COL15A1: variants seen among roughly 807,000 people sequenced by gnomAD.
COL15A1 encodes the protein collagen alpha-1(XV) chain.
In COL15A1, 111 loss-of-function variants were observed where a neutral mutation model predicts 165.9. That is an observed-to-expected ratio of 0.67 (90% CI 0.57 to 0.78). The LOEUF (loss-of-function observed/expected upper bound fraction) is 0.78. Among genes scored for constraint, COL15A1 ranks in the 30% least tolerant of loss-of-function variants. The pLI, the probability that COL15A1 is intolerant of heterozygous loss-of-function variation, is 0.00. For synonymous variants in COL15A1, 659 were observed against 674.8 expected, an observed-to-expected ratio of 0.98 and a Z score of 0.36; for missense variants, 1,745 against 1,789.7, an observed-to-expected ratio of 0.98 and a Z score of 0.45.
chr9:99,015,838 G>A (rs1413080256), intron 10 of COL15A1, 138 bp from the exon 11 acceptor site: 3 of 1,028,872 alleles, frequency 2.9e-6, no homozygotes, highest in African/African-American at 1.6e-5. Context: ...TTTCAGAAGG[G>A]GTGTGCTGGG....
chr9:98,964,481 T>C (rs1837922839), intron 2 of COL15A1, among the ~76,000 whole-genome samples: 1 of 152,182 alleles, frequency 6.6e-6, no homozygotes, highest in African/African-American at 2.4e-5. Flanking sequence ...GTGTGTCTCT[T>C]TGCACAACTG....
intron 2 of COL15A1, among the ~76,000 whole-genome samples, chr9:98,974,918 C>T (rs975670719): frequency 6.6e-6 from 1 of 152,238 alleles, no homozygotes; most frequent in African/African-American, 2.4e-5. Flanking sequence ...GGAAAGGAGG[C>T]GTTATGGGTT....
chr9:98,947,519 T>C (rs760041885), intron 2 of COL15A1, among the ~76,000 whole-genome samples: 1 of 152,232 alleles, frequency 6.6e-6, no homozygotes, highest in African/African-American at 2.4e-5. Context: ...GAATGTAAGC[T>C]ATGCCTCAAT....
intron 2 of COL15A1, among the ~76,000 whole-genome samples, chr9:98,982,429 C>G (rs1838247579): frequency 6.6e-6 from 1 of 152,146 alleles, no homozygotes; most frequent in African/African-American, 2.4e-5. Flanking sequence ...GTTGGGAAGA[C>G]CCATTTTTCA....
rs573029592 is a variant in COL15A1 at position 99,070,472 on chromosome 9, T to C, written c.*586T>C. ...GCCATCATGCTTTAGGAATTTTATATTTTTACACAATCATATTTTAGTATG... is the reference window on the plus strand; with the variant it reads ...GCCATCATGCTTTAGGAATTTTATACTTTTACACAATCATATTTTAGTATG... On this transcript the variant is annotated 3_prime_UTR_variant, in exon 42 of 42. Coordinates refer to ENST00000375001, the MANE Select transcript of COL15A1 (RefSeq NM_001855.5). The C allele has an allele frequency of 2.7e-5, 7 of 263,774 alleles. No homozygotes were observed. Among genetic ancestry groups the C allele is most frequent in the African/African-American group, 1.4e-4 (6 of 43,304 alleles). 16.3% of individuals were successfully genotyped at this position (263,774 alleles called of 1,614,324 possible).
intron 2 of COL15A1, among the ~76,000 whole-genome samples, 153 bp from the exon 3 acceptor site, chr9:98,985,412 G>A (rs780347386): frequency 6.6e-6 from 1 of 152,308 alleles, no homozygotes; most frequent in Non-Finnish European, 1.5e-5. Context: ...TTTGTGGGTC[G>A]TTGTCAAAAC....
intron 2 of COL15A1, among the ~76,000 whole-genome samples, chr9:98,984,752 C>A (rs1163340547): frequency 6.6e-6 from 1 of 152,162 alleles, no homozygotes; most frequent in Non-Finnish European, 1.5e-5. Context: ...GGCACTTAAA[C>A]AATAGACCTC....
intron 2 of COL15A1, among the ~76,000 whole-genome samples, chr9:98,982,295 A>G (rs1000428800): frequency 1.3e-5 from 2 of 152,132 alleles, no homozygotes; most frequent in Admixed American, 1.3e-4. Flanking sequence ...TGTATAATGT[A>G]TTTTATTTAT....
chr9:98,950,980 T>C (rs1207380530), intron 2 of COL15A1, among the ~76,000 whole-genome samples: 4 of 152,124 alleles, frequency 2.6e-5, no homozygotes, highest in African/African-American at 7.2e-5. Flanking sequence ...TCTGGAGAAA[T>C]CCTGATTTAA....
At chr9:99,060,354 C>T (rs1825796871) in intron 36 of COL15A1, among the ~76,000 whole-genome samples, 1 of 150,964 alleles carries the variant, frequency 6.6e-6, no homozygotes, top group Admixed American at 6.6e-5. Context: ...CTCAACCTCC[C>T]TGAGCTCAGG....
intron 16 of COL15A1, among the ~76,000 whole-genome samples, chr9:99,028,728 T>C (rs993235542): frequency 6.6e-6 from 1 of 151,998 alleles, no homozygotes; most frequent in South Asian, 2.1e-4. Context: ...AGAGTACAGA[T>C]TGGGTACAGT....
intron 2 of COL15A1, among the ~76,000 whole-genome samples, chr9:98,961,525 A>G (rs1837864894): frequency 6.6e-6 from 1 of 152,210 alleles, no homozygotes; most frequent in Non-Finnish European, 1.5e-5. Context: ...ACAGAGAAAC[A>G]GAATGAGGAG....
chr9:99,024,268 G>GTTTTGTTTTTTTTTTTTTT (rs1839078426), intron 14 of COL15A1, among the ~76,000 whole-genome samples: 1 of 131,460 alleles, frequency 7.6e-6, no homozygotes, highest in Non-Finnish European at 1.6e-5. Context: ...ACCACAAGCA[G>GTTTTGTTTTTTTTTTTTTT]TTTTTTTTGT....
At position 98,985,769 on chromosome 9, in the gene COL15A1, C is replaced by T. The variant is rs771819188; in HGVS notation, c.305C>T (p.Thr102Ile). The T allele has an allele frequency of 3.7e-6, 6 of 1,613,996 alleles. No homozygotes were observed. Among genetic ancestry groups the T allele is most frequent in the Non-Finnish European group, 5.1e-6 (6 of 1,180,034 alleles). ...AISVVVKPSS[T>I]RGGVLFAITD... ...AGCGTCGTGGTGAAGCCCAGCAGCA[C>T]CCGTGGTGGCGTGCTCTTCGCCATC... The change falls in exon 3 of 42, where the codon ACC becomes ATC. Residue 102 changes from threonine to isoleucine, a missense_variant. Physicochemically the swap from Thr to Ile is moderately conservative, Grantham distance 89. Coordinates refer to ENST00000375001, the MANE Select transcript of COL15A1 (RefSeq NM_001855.5).
At position 98,943,961 on chromosome 9, in the gene COL15A1, C is replaced by G. The variant is rs1837530883; in HGVS notation, c.-101C>G. 2 of 1,516,636 alleles carry G rather than the reference C, an allele frequency of 1.3e-6. No individual in the cohort carries two copies. Among genetic ancestry groups the G allele is most frequent in the Non-Finnish European group, 9.0e-7 (1 of 1,110,908 alleles). The allele number at this position is 1,516,636 out of a possible 1,614,324, so 93.9% of individuals were successfully genotyped here. ...CCGCCTTTGTTCCCTGCAGGAAGGG[C>G]GAGCGCGGCGGCCAGCGCTCAGCGA... On this transcript the variant is annotated 5_prime_UTR_variant, in exon 1 of 42. Coordinates refer to ENST00000375001, the MANE Select transcript of COL15A1 (RefSeq NM_001855.5).
chr9:99,011,265 C>T (rs1838843130), intron 9 of COL15A1, among the ~76,000 whole-genome samples: 1 of 151,910 alleles, frequency 6.6e-6, no homozygotes, highest in Non-Finnish European at 1.5e-5. Context: ...TCTGGAAAGA[C>T]CATTTTAAAT....
At position 99,015,497 on chromosome 9, in the gene COL15A1, C is replaced by A. The variant is rs760047166; in HGVS notation, c.1434C>A (p.Ala478=). ...VSLSTFEDEE[A]SGVPTDGLAP... is the part of the protein sequence containing the mutation. The stretch of plus-strand genomic sequence containing the variant: ...TCAGTACTTTTGAGGATGAGGAAGC[C>A]AGTGGGGTCCCCACAGATGGCCTGG... The change falls in exon 10 of 42, where the codon GCC becomes GCA. Residue 478 remains alanine (A), a synonymous_variant. Coordinates refer to ENST00000375001, the MANE Select transcript of COL15A1 (RefSeq NM_001855.5). The A allele has an allele frequency of 6.8e-6, 11 of 1,613,318 alleles. No individual in the cohort carries two copies. The South Asian group carries it at 8.8e-5, about 13-fold the overall frequency.
intron 2 of COL15A1, among the ~76,000 whole-genome samples, chr9:98,973,482 T>C (rs971336850): frequency 2.0e-5 from 3 of 152,232 alleles, no homozygotes; most frequent in Admixed American, 1.3e-4. Flanking sequence ...AGTTCTTTTT[T>C]AAGAAATGCA....
intron 22 of COL15A1, among the ~76,000 whole-genome samples, chr9:99,039,833 C>T (rs900532974): frequency 6.6e-6 from 1 of 152,192 alleles, no homozygotes. Flanking sequence ...ACGCTCTGTG[C>T]AAGTCATTGT....
Sources: gnomAD v4.1 joint callset for allele counts (sites outside exome capture counted in the v4.1 genomes callset) on GRCh38, gnomAD v4.1.1 for gene constraint, MANE v1.5 for transcripts, NCBI Gene and HGNC (gene_info 2026-07-23, HGNC 2026-07-21) for gene names.